SULT1A2: variants seen among roughly 807,000 people sequenced by gnomAD.
SULT1A2 encodes the protein sulfotransferase 1A2.
Under a neutral mutation model 36.0 loss-of-function variants are expected in SULT1A2, and 33 were observed. That is an observed-to-expected ratio of 0.92 (90% confidence interval 0.69 to 1.22). The LOEUF (loss-of-function observed/expected upper bound fraction) is 1.22, where lower values mean the gene tolerates loss of function less well. Ranked by LOEUF, SULT1A2 falls within the 50% of genes most tolerant of loss-of-function variation. The pLI, the probability that SULT1A2 is intolerant of heterozygous loss-of-function variation, is 0.00. For synonymous variants in SULT1A2, 138 were observed against 144.5 expected, an observed-to-expected ratio of 0.96 and a Z score of 0.32; for missense variants, 367 against 383.2, an observed-to-expected ratio of 0.96 and a Z score of 0.35.
At position 28,594,725 on chromosome 16, in the gene SULT1A2, T is replaced by C. The variant is rs1365377821; in HGVS notation, c.372+642A>G. On this transcript the variant is annotated intron_variant, in intron 4 of 7. Coordinates refer to ENST00000335715, the MANE Select transcript of SULT1A2 (RefSeq NM_001054.4). ...ACCTCGACCTCCGAAAGTGCTGGTA[T>C]TACAGGCGTGAGCCACAACAGGCCC... 2.7e-5 allele frequency among the ~76,000 whole-genome samples: 4 copies of C among 149,548 alleles called. 1 individual carries two copies. The highest frequency in any genetic ancestry group is 9.9e-5 in the African/African-American group (4 of 40,592).
chr16:28,595,606 G>A lies in SULT1A2; in HGVS notation c.218C>T (p.Ala73Val), dbSNP rs2047049470. The change falls in exon 3 of 8, where the codon GCT becomes GTT. Residue 73 changes from alanine (A) to valine (V), a missense_variant. Physicochemically the swap from Ala to Val is moderately conservative, Grantham distance 64 (BLOSUM62 0). Coordinates refer to ENST00000335715, the MANE Select transcript of SULT1A2 (RefSeq NM_001054.4). ...GAAGGGCACCCGCATGAAGATGGGAGCTCGGTGACACTTTTCCAGGTCACC... is the reference window on the plus strand; with the variant it reads ...GAAGGGCACCCGCATGAAGATGGGAACTCGGTGACACTTTTCCAGGTCACC... ...QGGDLEKCHR[A>V]PIFMRVPFLE... 1.2e-6 allele frequency: 2 copies of A among 1,614,080 alleles called. No individual in the cohort carries two copies. The highest frequency in any genetic ancestry group is 3.3e-5 in the Admixed American group (2 of 60,004).
At chr16:28,596,533 G>T in intron 1 of SULT1A2, 1 of 395,440 alleles carries the variant, frequency 2.5e-6, no homozygotes, top group Non-Finnish European at 4.0e-6. Context: ...ATGTGGGAAT[G>T]AGCAAAACTG....
Position 28,592,210 on chromosome 16 carries a change from G to T in SULT1A2, c.775+53C>A. On this transcript the variant is annotated intron_variant, in intron 7 of 7. Transcript: ENST00000335715. ...GGAGGCCCCGAGTGCCTATGGGGAG[G>T]CTCCAGCTGCTGCTCCCACCTGCTC... 3.7e-6 allele frequency: 6 copies of T among 1,613,798 alleles called. No homozygotes were observed. In the South Asian group the frequency reaches 6.6e-5, roughly 18 times the overall value.
intron 4 of SULT1A2, among the ~76,000 whole-genome samples, chr16:28,594,108 G>GC (rs1046952091): frequency 2.5e-4 from 15 of 60,540 alleles, no homozygotes; most frequent in Non-Finnish European, 6.3e-4. Context: ...TTTTTTTTTT[G>GC]GGGGGGGGGA....
Position 28,595,438 on chromosome 16 carries a change from C to A in SULT1A2, c.301G>T (p.Ala101Ser), listed in dbSNP as rs758845410. The change falls in exon 4 of 8, where the codon GCC becomes TCC. Residue 101 changes from alanine to serine, a missense_variant. Transcript: ENST00000335715. ...AGGTGTGTCTTCAGGAGTCGTGGGG[C>A]TGGTGTGTTTTTCAGAGTCTCCATC... ...SGMETLKNTP[A>S]PRLLKTHLPL... is the part of the protein sequence containing the mutation. The A allele has an allele frequency of 5.0e-6, 8 of 1,614,040 alleles. No homozygotes were observed. In the South Asian group the frequency reaches 8.8e-5, roughly 18 times the overall value.
Position 28,591,983 on chromosome 16 carries a change from G to A in SULT1A2, c.*45C>T, listed in dbSNP as rs1293586709. The stretch of plus-strand genomic sequence containing the variant: ...ACTTTATTCTGGAGCCTCTTGGTCA[G>A]GCTTGATTCGCACACTCCCTCTGCA... On this transcript the variant is annotated 3_prime_UTR_variant, in exon 8 of 8. Transcript: ENST00000335715. 1 of 1,611,792 alleles carries A rather than the reference G, an allele frequency of 6.2e-7. No individual in the cohort carries two copies. The highest frequency in any genetic ancestry group is 2.2e-5 in the East Asian group (1 of 44,890).
At position 28,595,788 on chromosome 16, in the gene SULT1A2, T is replaced by C; in HGVS notation, c.143A>G (p.Lys48Arg). The change falls in exon 2 of 8, where the codon AAG becomes AGG. Residue 48 changes from lysine to arginine, a missense_variant. Transcript: ENST00000335715. Reference protein sequence around the residue: ...PDDLLISTYPKSGTTWVSQIL... With the variant: ...PDDLLISTYPRSGTTWVSQIL... ...GGGTGGCCCTCCTCACCTACCGGAC[T>C]TGGGGTAGGTGCTGATGAGCAGGTC... 6.2e-7 allele frequency: 1 copy of C among 1,612,740 alleles called. No individual in the cohort carries two copies. The highest frequency in any genetic ancestry group is 1.1e-5 in the South Asian group (1 of 91,022).
At chr16:28,594,032 C>A (rs146703757) in intron 4 of SULT1A2, among the ~76,000 whole-genome samples, 71 of 151,646 alleles carry the variant, frequency 4.7e-4, no homozygotes, top group African/African-American at 1.6e-3. Flanking sequence ...TGAGCCGGGG[C>A]CTCCTTCCCT....
intron 4 of SULT1A2, 41 bp from the exon 5 acceptor site, chr16:28,593,609 C>G (rs1437586492): frequency 6.2e-7 from 1 of 1,611,734 alleles, no homozygotes; most frequent in Non-Finnish European, 8.5e-7. Flanking sequence ...CATCACCACA[C>G]AGCCTGCCCC....
chr16:28,595,727 G>C (rs771205137), intron 2 of SULT1A2, 52 bp from the exon 3 acceptor site: 3 of 1,612,296 alleles, frequency 1.9e-6, no homozygotes, highest in Non-Finnish European at 2.5e-6. Context: ...GCATGACCTC[G>C]CTGGCCAAGG....
intron 6 of SULT1A2, 84 bp downstream of exon 6, chr16:28,593,168 G>C: frequency 6.3e-7 from 1 of 1,587,752 alleles, no homozygotes; most frequent in African/African-American, 1.3e-5. Context: ...CGCCCAGGGA[G>C]GGTGGCTGGG....
rs1023873191 is a variant in SULT1A2, at chr16:28,596,212, C to T, written c.-4-278G>A. ...GACCAGTGAAAGCACCCTCGTGGCG[C>T]GGGGCCCAGATGTCAGGGTGTGTGA... On this transcript the variant is annotated intron_variant, in intron 1 of 7. Coordinates refer to ENST00000335715, the MANE Select transcript of SULT1A2 (RefSeq NM_001054.4). 2.4e-5 allele frequency: 33 copies of T among 1,369,464 alleles called. 2 individuals carry two copies. Among genetic ancestry groups the T allele is most frequent in the East Asian group, 5.8e-5 (2 of 34,668 alleles). 84.8% of individuals were successfully genotyped at this position (1,369,464 alleles called of 1,614,324 possible).
At position 28,593,231 on chromosome 16, in the gene SULT1A2, A is replaced by G. The variant is rs774542713; in HGVS notation, c.594+21T>C. 40 of 1,612,362 alleles carry G rather than the reference A, an allele frequency of 2.5e-5. No individual in the cohort carries two copies. The East Asian group carries it at 8.7e-4, about 35-fold the overall frequency. ...CTGCCCCCAGGTGTCACGTGGAGGG[A>G]AGCATCAAAGGCGGTCTCACCTCCT... On this transcript the variant is annotated intron_variant, in intron 6 of 7. Transcript: ENST00000335715.
At chr16:28,593,401 AC>A (rs2047019814) in intron 5 of SULT1A2, 40 bp downstream of exon 5, 4 of 1,612,598 alleles carry the variant, frequency 2.5e-6, no homozygotes, top group Non-Finnish European at 3.4e-6. Context: ...TGTAGCCACC[AC>A]CCCTTAGCTC....
At chr16:28,593,188 C>T (rs578249492) in intron 6 of SULT1A2, 64 bp downstream of exon 6, 113 of 1,605,784 alleles carry the variant, frequency 7.0e-5, no homozygotes, top group Non-Finnish European at 8.8e-5. Flanking sequence ...GTGGCCTTGG[C>T]AGGTCCCTGT....
At chr16:28,593,412 CCA>C (rs1445023471) in intron 5 of SULT1A2, 28 bp downstream of exon 5, 1 of 1,614,022 alleles carries the variant, frequency 6.2e-7, no homozygotes, top group African/African-American at 1.3e-5. Context: ...CCCCTTAGCT[CCA>C]CACCTTCCTT....
At position 28,592,425 on chromosome 16, in the gene SULT1A2, G is replaced by T. The variant is rs1281549160; in HGVS notation, c.613C>A (p.Gln205Lys). The change falls in exon 7 of 8, where the codon CAA (glutamine) becomes AAA (lysine). Residue 205 changes from glutamine (Q) to lysine (K), a missense_variant. Gln to Lys is a moderately conservative substitution (Grantham distance 53). Coordinates refer to ENST00000335715, the MANE Select transcript of SULT1A2 (RefSeq NM_001054.4). ...CGCCCCACAAACTCCAGGATCTTTTGAATCTCCCTTTTGGGGTTCTGAGCA... is the reference window on the plus strand; with the variant it reads ...CGCCCCACAAACTCCAGGATCTTTTTAATCTCCCTTTTGGGGTTCTGAGCA... ...DMKENPKREI[Q>K]KILEFVGRSL... is the part of the protein sequence containing the mutation. 6.2e-7 allele frequency: 1 copy of T among 1,614,148 alleles called. No homozygotes were observed. Among genetic ancestry groups the T allele is most frequent in the South Asian group, 1.1e-5 (1 of 91,086 alleles).
intron 1 of SULT1A2, chr16:28,596,406 A>G (rs984416046): frequency 3.0e-6 from 3 of 1,014,042 alleles, no homozygotes; most frequent in African/African-American, 1.7e-5. Flanking sequence ...GGCCCCTCAC[A>G]TGTGGCAACT....
Position 28,592,262 on chromosome 16 carries a change from C to T in SULT1A2, c.775+1G>A, listed in dbSNP as rs2047001719. On this transcript the variant is annotated splice_donor_variant, in intron 7 of 7. Coordinates refer to ENST00000335715, the MANE Select transcript of SULT1A2 (RefSeq NM_001054.4). LOFTEE classifies it high-confidence loss of function. ...AAACCCCCGTGCTGGCCGGCACCTACCTTTCCTCATGAAGGGGGAGATGCT... is the reference window on the plus strand; with the variant it reads ...AAACCCCCGTGCTGGCCGGCACCTATCTTTCCTCATGAAGGGGGAGATGCT... 3 of 1,613,986 alleles carry T rather than the reference C, an allele frequency of 1.9e-6. No individual in the cohort carries two copies. The highest frequency in any genetic ancestry group is 2.5e-6 in the Non-Finnish European group (3 of 1,179,860).
Sources: gnomAD v4.1 joint callset for allele counts (sites outside exome capture counted in the v4.1 genomes callset) on GRCh38, gnomAD v4.1.1 for gene constraint, MANE v1.5 for transcripts, NCBI Gene and HGNC (gene_info 2026-07-23, HGNC 2026-07-21) for gene names.